MAP3K5: variants seen among roughly 807,000 people sequenced by gnomAD.
MAP3K5 encodes the protein mitogen-activated protein kinase kinase kinase 5, also known as ASK-1.
In MAP3K5, 56 loss-of-function variants were observed where a neutral mutation model predicts 158.7. The ratio of observed to expected loss-of-function variants is 0.35; its 90% confidence interval spans 0.28 to 0.44. The LOEUF (loss-of-function observed/expected upper bound fraction) is 0.44, where lower values mean the gene tolerates loss of function less well. Among genes scored for constraint, MAP3K5 ranks in the 20% least tolerant of loss-of-function variants. The pLI is 1.00. For synonymous variants in MAP3K5, 579 were observed against 601.7 expected, an observed-to-expected ratio of 0.96 and a Z score of 0.55; for missense variants, 1,294 against 1,674.8, an observed-to-expected ratio of 0.77 and a Z score of 3.97.
At chr6:136,589,423 G>T (rs1775285450) in intron 23 of MAP3K5, among the ~76,000 whole-genome samples, 2 of 152,194 alleles carry the variant, frequency 1.3e-5, no homozygotes, top group Admixed American at 1.3e-4. Context: ...GTGGGAGGTT[G>T]TATCCACAAG....
intron 1 of MAP3K5, among the ~76,000 whole-genome samples, chr6:136,780,433 T>C (rs1402278147): frequency 6.6e-6 from 1 of 152,258 alleles, no homozygotes; most frequent in Admixed American, 6.5e-5. Context: ...ATATTTGCTC[T>C]TCGAACTCTC....
chr6:136,692,535 TTCCAG>T (rs1418507241), intron 7 of MAP3K5, among the ~76,000 whole-genome samples: 1 of 152,148 alleles, frequency 6.6e-6, no homozygotes, highest in African/African-American at 2.4e-5. Flanking sequence ...ATGAAAACCT[TTCCAG>T]TTTCTAGCTA....
At chr6:136,682,902 T>A (rs1284663256) in intron 7 of MAP3K5, among the ~76,000 whole-genome samples, 1 of 152,094 alleles carries the variant, frequency 6.6e-6, no homozygotes, top group Non-Finnish European at 1.5e-5. Flanking sequence ...ACATTTTCCC[T>A]CATTAGCTAA....
At chr6:136,584,826 G>A (rs1453758585) in intron 23 of MAP3K5, among the ~76,000 whole-genome samples, 1 of 152,172 alleles carries the variant, frequency 6.6e-6, no homozygotes, top group Non-Finnish European at 1.5e-5. Context: ...GTGTCTGTGA[G>A]ACTCGGCTAG....
At chr6:136,581,643 C>T (rs1367418543) in intron 24 of MAP3K5, among the ~76,000 whole-genome samples, 4 of 152,236 alleles carry the variant, frequency 2.6e-5, no homozygotes, top group Admixed American at 6.5e-5. Flanking sequence ...GGTCCATCTT[C>T]ATCAAACTCC....
intron 25 of MAP3K5, among the ~76,000 whole-genome samples, chr6:136,575,445 T>A (rs1774573314): frequency 6.6e-6 from 1 of 152,134 alleles, no homozygotes; most frequent in South Asian, 2.1e-4. Context: ...ATTATAGATG[T>A]GAGTCACCAC....
intron 25 of MAP3K5, among the ~76,000 whole-genome samples, chr6:136,574,758 G>T (rs1195119968): frequency 1.5e-5 from 2 of 135,482 alleles, no homozygotes; most frequent in Admixed American, 1.7e-4. Flanking sequence ...GCACGATCTC[G>T]GCTCACTGCA....
At position 136,639,524 on chromosome 6, in the gene MAP3K5, C is replaced by T; in HGVS notation, c.1934+19G>A. On this transcript the variant is annotated intron_variant, in intron 13 of 29. Transcript: ENST00000359015. ...TCAGGTAAGAAGAATCTTTTTCACA[C>T]ACAATGACTAATACGTACTTTTTAC... The T allele has an allele frequency of 7.2e-7, 1 of 1,394,818 alleles. No homozygotes were observed. The highest frequency in any genetic ancestry group is 1.2e-5 in the South Asian group (1 of 80,462). 86.4% of individuals were successfully genotyped at this position (1,394,818 alleles called of 1,614,324 possible).
rs1830304514 is a variant in MAP3K5, at chr6:136,557,563, TA to T, written c.*194del. The T allele has an allele frequency of 3.8e-6, 2 of 532,836 alleles. No homozygotes were observed. The highest frequency in any genetic ancestry group is 5.6e-4 in the Middle Eastern group (2 of 3,564). 33.0% of individuals were successfully genotyped at this position (532,836 alleles called of 1,614,324 possible). A position where few individuals can be genotyped will look rare whatever the true frequency, so the allele number is the denominator to read the frequency against. ...TTTAAGAGTCCTTATGAAGAGTCCT[TA>T]AAAATTATAGAAATAGATGTAGTTA... On this transcript the variant is annotated 3_prime_UTR_variant, in exon 30 of 30. Transcript: ENST00000359015.
rs868659067 is a variant in MAP3K5 at position 136,646,524 on chromosome 6, C to T, written c.1789-3955G>A. Among the ~76,000 whole-genome samples, 7 of 152,158 alleles carry T rather than the reference C, an allele frequency of 4.6e-5. No individual in the cohort carries two copies. The South Asian group carries it at 8.3e-4, about 18-fold the overall frequency. ...TTACTTTCTGTTCTTTTTCTGTCTTCCAAATTCTTCTGGCTCTCTACTCAT... is the reference window on the plus strand; with the variant it reads ...TTACTTTCTGTTCTTTTTCTGTCTTTCAAATTCTTCTGGCTCTCTACTCAT... On this transcript the variant is annotated intron_variant, in intron 11 of 29. Coordinates refer to ENST00000359015, the MANE Select transcript of MAP3K5 (RefSeq NM_005923.4).
At chr6:136,778,490 C>T (rs1784483580) in intron 1 of MAP3K5, among the ~76,000 whole-genome samples, 2 of 152,086 alleles carry the variant, frequency 1.3e-5, no homozygotes, top group Admixed American at 1.3e-4. Flanking sequence ...TATTAAATTG[C>T]TGAATTCAAA....
chr6:136,655,697 A>T (rs1663912001), intron 10 of MAP3K5, among the ~76,000 whole-genome samples: 1 of 128,734 alleles, frequency 7.8e-6, no homozygotes, highest in Non-Finnish European at 1.6e-5. Flanking sequence ...AGAGCAATAA[A>T]TTTTTTTAAA....
rs1483862845 is a variant in MAP3K5 at position 136,760,983 on chromosome 6, C to T, written c.448+30727G>A. On this transcript the variant is annotated intron_variant, in intron 1 of 29. Coordinates refer to ENST00000359015, the MANE Select transcript of MAP3K5 (RefSeq NM_005923.4). ...GACTCTGTCTCAAAACAAAACGAAA[C>T]AAAACAAAAAACCAGAGAGAAGCTC... 2.0e-5 allele frequency among the ~76,000 whole-genome samples: 3 copies of T among 152,016 alleles called. No individual in the cohort carries two copies. The East Asian group carries it at 5.8e-4, about 29-fold the overall frequency.
chr6:136,653,485 C>T (rs17796708), intron 10 of MAP3K5, among the ~76,000 whole-genome samples: 16,812 of 152,214 alleles, frequency 0.11, 1,184 homozygotes, highest in East Asian at 0.22. Context: ...ACGGAAGATG[C>T]TATGCTAAGG....
chr6:136,705,006 A>ATC, intron 3 of MAP3K5, 104 bp downstream of exon 3: 1 of 577,648 alleles, frequency 1.7e-6, no homozygotes, highest in Non-Finnish European at 3.0e-6. Flanking sequence ...GAGGAAAAAT[A>ATC]GAGATATAAA....
At chr6:136,672,533 T>C (rs1269563051) in intron 7 of MAP3K5, among the ~76,000 whole-genome samples, 1 of 152,190 alleles carries the variant, frequency 6.6e-6, no homozygotes, top group Non-Finnish European at 1.5e-5. Flanking sequence ...GAGTCCCAAA[T>C]GTGTTGCTGT....
chr6:136,712,175 C>CTTT (rs35467964), intron 2 of MAP3K5, among the ~76,000 whole-genome samples: 10 of 135,480 alleles, frequency 7.4e-5, no homozygotes, highest in East Asian at 4.3e-4. Context: ...TTTAATAGAG[C>CTTT]TTTTTTTTTT....
intron 26 of MAP3K5, among the ~76,000 whole-genome samples, chr6:136,564,735 G>A (rs61453856): frequency 0.075 from 11,339 of 152,168 alleles, 927 homozygotes; most frequent in East Asian, 0.21. Flanking sequence ...GAAGGACTCC[G>A]TACTTGCATA....
intron 18 of MAP3K5, among the ~76,000 whole-genome samples, chr6:136,606,834 T>G (rs1398900846): frequency 1.3e-5 from 2 of 152,216 alleles, no homozygotes; most frequent in Admixed American, 1.3e-4. Flanking sequence ...TGAAAACAAT[T>G]GTGTAAAATT....
Sources: allele counts gnomAD v4.1 joint callset (sites outside exome capture counted in the v4.1 genomes callset), GRCh38; gene constraint gnomAD v4.1.1; transcripts MANE v1.5; gene names NCBI Gene and HGNC (gene_info 2026-07-23, HGNC 2026-07-21).